Variants in PCDHGA7 observed in about 807,000 individuals in gnomAD.
PCDHGA7 encodes protocadherin gamma-A7.
PCDHGA7 carries 44 observed loss-of-function variants against 58.3 expected under a neutral mutation model. The ratio of observed to expected loss-of-function variants is 0.75; its 90% confidence interval spans 0.59 to 0.97. PCDHGA7 has a LOEUF of 0.97. Ranked by LOEUF, PCDHGA7 falls within the 50% of genes least tolerant of loss-of-function variation. The probability of loss-of-function intolerance (pLI) is 0.00; values close to 1 mark genes in which losing one functional copy is unlikely to be tolerated. For missense variants in PCDHGA7, 1,266 were observed against 1,188.7 expected (o/e 1.06, Z -0.96); for synonymous variants, 516 against 504.2 (o/e 1.02, Z -0.31).
intron 1 of PCDHGA7, chr5:141,392,542 A>T: frequency 3.1e-6 from 1 of 323,438 alleles, no homozygotes; most frequent in South Asian, 1.2e-4. Flanking sequence ...ATTTAGAAGT[A>T]ATCTGTATCT....
At chr5:141,423,562 AC>A in intron 1 of PCDHGA7, 1 of 1,613,612 alleles carries the variant, frequency 6.2e-7, no homozygotes, top group Non-Finnish European at 8.5e-7. Flanking sequence ...CTATGGGGAC[AC>A]GCTCATCAGC....
At chr5:141,420,412 T>A in intron 1 of PCDHGA7, 1 of 1,225,004 alleles carries the variant, frequency 8.2e-7, no homozygotes, top group Non-Finnish European at 1.1e-6. Flanking sequence ...TGGTTATCAT[T>A]ATTAAAACAA....
In PCDHGA7 at chr5:141,490,795, C is replaced by A; in HGVS notation, c.2425-4012C>A. The A allele has an allele frequency of 1.3e-5, 21 of 1,614,036 alleles. No homozygotes were observed. Among genetic ancestry groups the A allele is most frequent in the Non-Finnish European group, 1.8e-5 (21 of 1,179,922 alleles). On this transcript the variant is annotated intron_variant, in intron 1 of 3. Coordinates refer to ENST00000518325, the MANE Select transcript of PCDHGA7 (RefSeq NM_018920.4). This position sits in a 1 kb window ranked among gnomAD's most constrained non-coding sequence, Gnocchi z 5.4. ...CCCAGAGGATGGACGGATCTTTGCC[C>A]AGCGTACCTTTGACTATGAATTGCT...
At position 141,431,918 on chromosome 5, in the gene PCDHGA7, C is replaced by T; in HGVS notation, c.2424+46595C>T. On this transcript the variant is annotated intron_variant, in intron 1 of 3. Transcript: ENST00000518325. This position sits in a 1 kb window ranked among gnomAD's most constrained non-coding sequence, Gnocchi z 4.8. Reference sequence around the variant, plus strand: ...AAACGGACAGGTGATCTGTTTCATCCAAGGAAATCTGCCCTTTAAATTAGA... The same window carrying T: ...AAACGGACAGGTGATCTGTTTCATCTAAGGAAATCTGCCCTTTAAATTAGA... The T allele has an allele frequency of 6.2e-7, 1 of 1,613,998 alleles. No individual in the cohort carries two copies. The highest frequency in any genetic ancestry group is 8.5e-7 in the Non-Finnish European group (1 of 1,179,862).
intron 1 of PCDHGA7, among the ~76,000 whole-genome samples, chr5:141,445,700 A>G (rs2098474731): frequency 6.6e-6 from 1 of 152,216 alleles, no homozygotes; most frequent in Non-Finnish European, 1.5e-5. Flanking sequence ...TAAAAAAGAA[A>G]TTGTCAGGCA....
chr5:141,483,133 T>C (rs1263073911), intron 1 of PCDHGA7, among the ~76,000 whole-genome samples: 25 of 152,142 alleles, frequency 1.6e-4, no homozygotes, highest in South Asian at 1.2e-3. Flanking sequence ...GGAGATGAGG[T>C]GAAGCAAGTA....
At chr5:141,427,352 G>A (rs982774903) in intron 1 of PCDHGA7, 3 of 457,474 alleles carry the variant, frequency 6.6e-6, no homozygotes, top group African/African-American at 6.0e-5. Flanking sequence ...CTGTAACTGA[G>A]GACGCAGAAC....
At chr5:141,388,953 G>A (rs1266765544) in intron 1 of PCDHGA7, 13 of 1,614,022 alleles carry the variant, frequency 8.1e-6, no homozygotes, top group Non-Finnish European at 1.1e-5. Context: ...AATTATGGAG[G>A]ACGCCGAGCT....
intron 1 of PCDHGA7, chr5:141,414,991 G>T (rs1162432290): frequency 1.9e-6 from 3 of 1,613,766 alleles, no homozygotes; most frequent in Non-Finnish European, 1.7e-6. Flanking sequence ...CGGCCAGAAC[G>T]CCTGGCTGTC....
intron 2 of PCDHGA7, among the ~76,000 whole-genome samples, chr5:141,497,478 C>T (rs974494984): frequency 6.0e-5 from 9 of 150,954 alleles, no homozygotes; most frequent in South Asian, 4.2e-4. Context: ...GGAGAAGGTG[C>T]GGAACCTCTC....
At chr5:141,500,729 C>T (rs1434863449) in intron 2 of PCDHGA7, among the ~76,000 whole-genome samples, 2 of 152,130 alleles carry the variant, frequency 1.3e-5, no homozygotes, top group Non-Finnish European at 2.9e-5. Flanking sequence ...CCATGTCTTT[C>T]AAAATTCTTC....
At chr5:141,438,896 CCT>C (rs886177991) in intron 1 of PCDHGA7, among the ~76,000 whole-genome samples, 30 of 151,820 alleles carry the variant, frequency 2.0e-4, no homozygotes, top group Non-Finnish European at 7.4e-5. Context: ...GAACTCCTGA[CCT>C]CAGGTGATCC....
chr5:141,401,394 T>C (rs1444370873), intron 1 of PCDHGA7, among the ~76,000 whole-genome samples: 1 of 152,158 alleles, frequency 6.6e-6, no homozygotes, highest in Non-Finnish European at 1.5e-5. Context: ...CTACATGTTA[T>C]GTGTATGAGA....
intron 1 of PCDHGA7, chr5:141,400,228 C>T: frequency 1.2e-6 from 2 of 1,614,030 alleles, no homozygotes; most frequent in African/African-American, 2.7e-5. Flanking sequence ...GCTCTTCCTC[C>T]TGGCCGTGAT....
At chr5:141,388,486 A>G in intron 1 of PCDHGA7, 1 of 1,613,858 alleles carries the variant, frequency 6.2e-7, no homozygotes, top group Non-Finnish European at 8.5e-7. Context: ...ACACCTTTGG[A>G]CAGAGAAAAG....
Position 141,477,100 on chromosome 5 carries a change from C to T in PCDHGA7, c.2425-17707C>T, listed in dbSNP as rs970613825. Reference sequence around the variant, plus strand: ...TTTACATCCAGGCCAAAGACAAGGGCGCCAATCCCGAAGGAGCACATTGCA... The same window carrying T: ...TTTACATCCAGGCCAAAGACAAGGGTGCCAATCCCGAAGGAGCACATTGCA... On this transcript the variant is annotated intron_variant, in intron 1 of 3. Transcript: ENST00000518325. The surrounding 1 kb of genome is among the most constrained non-coding windows in gnomAD (Gnocchi z 4.9). 1 of 1,614,098 alleles carries T rather than the reference C, an allele frequency of 6.2e-7. No homozygotes were observed. Among genetic ancestry groups the T allele is most frequent in the African/African-American group, 1.3e-5 (1 of 74,932 alleles).
chr5:141,418,413 A>T, intron 1 of PCDHGA7: 1 of 1,614,048 alleles, frequency 6.2e-7, no homozygotes, highest in Non-Finnish European at 8.5e-7. Flanking sequence ...GAGAAAGACA[A>T]TCCTGATGGT....
At chr5:141,419,464 C>T (rs199965876) in intron 1 of PCDHGA7, 35 of 1,612,542 alleles carry the variant, frequency 2.2e-5, no homozygotes, top group Middle Eastern at 1.7e-4. Context: ...TGCAGGCCCG[C>T]GACCAGGGCT....
chr5:141,460,951 G>GTA (rs200454978), intron 1 of PCDHGA7, among the ~76,000 whole-genome samples: 2,366 of 139,742 alleles, frequency 0.017, 20 homozygotes, highest in Middle Eastern at 0.037. Flanking sequence ...TATGTATTAT[G>GTA]TATATATATA....
Sources: gnomAD v4.1 joint callset for allele counts (sites outside exome capture counted in the v4.1 genomes callset) on GRCh38, gnomAD v4.1.1 for gene constraint, Gnocchi (gnomAD v3.1) non-coding constraint, MANE v1.5 for transcripts, NCBI Gene and HGNC (gene_info 2026-07-23, HGNC 2026-07-21) for gene names.